The following C3orf49 variants were observed in gnomAD, a reference collection of about 807,000 sequenced individuals.
The protein encoded by C3orf49 is putative uncharacterized protein C3orf49.
C3orf49 carries 27 observed loss-of-function variants against 13.3 expected under a neutral mutation model. The ratio of observed to expected loss-of-function variants is 2.02; its 90% CI spans 1.49 to 2.79. C3orf49 has a LOEUF of 2.79. Ranked by LOEUF, C3orf49 falls within the 30% of genes most tolerant of loss-of-function variation. C3orf49 has a pLI of 0.00. For missense variants in C3orf49, 242 were observed against 134.2 expected (o/e 1.80, Z -3.97); for synonymous variants, 87 against 47.6 (o/e 1.83, Z -3.40).
chr3:63,807,630 T>C, the C3orf49 span, among the ~76,000 whole-genome samples: 5 of 151,716 alleles, frequency 3.3e-5, no homozygotes, highest in Admixed American at 1.3e-4. Flanking sequence ...TCGAGACCAG[T>C]GGATCACCTG....
In C3orf49 at chr3:63,825,321, CA is replaced by C. The variant is rs562183708; in HGVS notation, c.445+1761del. 2.7e-5 allele frequency among the ~76,000 whole-genome samples: 4 copies of C among 149,128 alleles called. No homozygotes were observed. The East Asian group carries it at 5.8e-4, about 22-fold the overall frequency. Reference sequence around the variant, plus strand: ...TGTGCTTTTTCCAGGAAAAAAAAAACAAAAAAAAACCCTGATGGTTTCCAGC... The same window carrying C: ...TGTGCTTTTTCCAGGAAAAAAAAAACAAAAAAAACCCTGATGGTTTCCAGC... On this transcript the variant is annotated intron_variant, in intron 2 of 6. Transcript: ENST00000295896.
At chr3:63,846,316 T>C in intron 6 of C3orf49, 1 of 361,324 alleles carries the variant, frequency 2.8e-6, no homozygotes. Context: ...AAAATGGACT[T>C]CAGGGCCACA....
the C3orf49 span, among the ~76,000 whole-genome samples, chr3:63,808,396 C>G: frequency 1.3e-5 from 2 of 152,136 alleles, no homozygotes; most frequent in Admixed American, 6.5e-5. Flanking sequence ...GGAAATTACT[C>G]AATGCTCGAA....
At position 63,827,585 on chromosome 3, in the gene C3orf49, TCC is replaced by T. The variant is rs781001714; in HGVS notation, c.446-12_446-11del. On this transcript the variant is annotated splice_polypyrimidine_tract_variant and intron_variant, in intron 2 of 6. Coordinates refer to ENST00000295896, the MANE Select transcript of C3orf49 (RefSeq NM_001355236.2). ...ATTGTGATCCTTACAGATTCCTTTT[TCC>T]CCCTTTCTTGAAGCGACTATACAAC... 1,039 of 699,898 alleles carry T rather than the reference TCC, an allele frequency of 1.5e-3. 8 individuals are homozygous for T. The highest frequency in any genetic ancestry group is 2.9e-4 in the Non-Finnish European group (111 of 383,714). The allele number at this position is 699,898 out of a possible 1,614,324, so 43.4% of individuals were successfully genotyped here.
At chr3:63,836,339 T>G in intron 5 of C3orf49, 1 of 1,612,614 alleles carries the variant, frequency 6.2e-7, no homozygotes, top group South Asian at 1.1e-5. Context: ...GCTGAATCAC[T>G]TTTGCCAAAG....
intron 5 of C3orf49, among the ~76,000 whole-genome samples, chr3:63,832,332 T>C (rs1373850712): frequency 6.6e-6 from 1 of 152,142 alleles, no homozygotes; most frequent in Non-Finnish European, 1.5e-5. Flanking sequence ...TTCTACCCAA[T>C]AGTCCTTTAA....
In C3orf49 at chr3:63,823,569, G is replaced by C. The variant is rs1474658673; in HGVS notation, c.445G>C (p.Ala149Pro). 1.4e-6 allele frequency: 1 copy of C among 694,942 alleles called. No individual in the cohort carries two copies. Among genetic ancestry groups the C allele is most frequent in the East Asian group, 2.7e-5 (1 of 37,190 alleles). 43.0% of individuals were successfully genotyped at this position (694,942 alleles called of 1,614,324 possible). The change falls in exon 2 of 7, where the codon GCG becomes CCG. Residue 149 changes from alanine to proline, a missense_variant and splice_region_variant. Physicochemically the swap from Ala to Pro is conservative, Grantham distance 27 (BLOSUM62 -1). Coordinates refer to ENST00000295896, the MANE Select transcript of C3orf49 (RefSeq NM_001355236.2). ...TAKMRKLSEN[A>P]TIQLDVVEAE... The stretch of plus-strand genomic sequence containing the variant: ...AAAAATGAGAAAGCTCTCAGAGAAT[G>C]GTAATCATATTTGGGCAATTTGTCT...
rs547867728 is a variant in C3orf49, at chr3:63,834,088, G to A, written c.849+2244G>A. On this transcript the variant is annotated intron_variant, in intron 5 of 6. Transcript: ENST00000295896. ...CACATTTTAAACACATTATGGTCAT[G>A]TAGCTATTTCAATATTCCTGGGAGT... The A allele has an allele frequency of 5.7e-5, 91 of 1,593,220 alleles. 2 individuals are homozygous for A. In the South Asian group the frequency reaches 9.1e-4, roughly 16 times the overall value.
the C3orf49 span, among the ~76,000 whole-genome samples, chr3:63,807,141 CGGGGTTT>C: frequency 3.9e-5 from 6 of 152,026 alleles, no homozygotes; most frequent in East Asian, 1.2e-3. Context: ...TTAGTAGAGA[CGGGGTTT>C]CACCGTGTTA....
At chr3:63,806,690 T>C in the C3orf49 span, among the ~76,000 whole-genome samples, 2 of 152,138 alleles carry the variant, frequency 1.3e-5, no homozygotes, top group African/African-American at 2.4e-5. Flanking sequence ...TAAACAATTA[T>C]ATATATTTTT....
At chr3:63,835,125 G>A in intron 5 of C3orf49, 2 of 1,606,338 alleles carry the variant, frequency 1.2e-6, no homozygotes, top group South Asian at 2.2e-5. Flanking sequence ...ATCTTCATAA[G>A]CATTTACTTT....
At chr3:63,784,049 A>T in the C3orf49 span, among the ~76,000 whole-genome samples, 5 of 152,298 alleles carry the variant, frequency 3.3e-5, no homozygotes, top group South Asian at 1.0e-3. Flanking sequence ...TGACCCTAGA[A>T]GCTCTGCAGC....
chr3:63,817,793 GCACA>G (rs1413733879), upstream of C3orf49, among the ~76,000 whole-genome samples: 3 of 152,060 alleles, frequency 2.0e-5, no homozygotes, highest in African/African-American at 4.8e-5. Context: ...ATGCAGACAT[GCACA>G]CACAGAGACA....
At chr3:63,820,155 G>A (rs888949485) in intron 1 of C3orf49, among the ~76,000 whole-genome samples, 2 of 152,104 alleles carry the variant, frequency 1.3e-5, no homozygotes, top group Non-Finnish European at 2.9e-5. Flanking sequence ...AGTCAGTGTG[G>A]TGATTTATTT....
At chr3:63,807,857 C>CAAAAA in the C3orf49 span, among the ~76,000 whole-genome samples, 35 of 32,086 alleles carry the variant, frequency 1.1e-3, no homozygotes, top group Non-Finnish European at 1.2e-3. Flanking sequence ...AACTTCATCT[C>CAAAAA]AAAAAAAAAA....
At chr3:63,782,040 G>C in the C3orf49 span, among the ~76,000 whole-genome samples, 1 of 152,128 alleles carries the variant, frequency 6.6e-6, no homozygotes, top group African/African-American at 2.4e-5. Flanking sequence ...TTATCCTTCT[G>C]TAAGAACCAG....
intron 2 of C3orf49, chr3:63,826,840 T>TC (rs962260437): frequency 2.5e-4 from 38 of 152,130 alleles, no homozygotes; most frequent in African/African-American, 8.7e-4. Flanking sequence ...TCCCAGCTGC[T>TC]CGGGAGGCTG....
At chr3:63,789,962 T>C in the C3orf49 span, among the ~76,000 whole-genome samples, 4 of 152,100 alleles carry the variant, frequency 2.6e-5, no homozygotes, top group African/African-American at 9.7e-5. Context: ...GCAATAGGAA[T>C]GGTTTTTTAC....
At position 63,819,375 on chromosome 3, in the gene C3orf49, G is replaced by T; in HGVS notation, c.-97G>T. The T allele has an allele frequency of 1.5e-6, 1 of 649,108 alleles. No homozygotes were observed. The highest frequency in any genetic ancestry group is 1.7e-5 in the South Asian group (1 of 58,350). 40.2% of individuals were successfully genotyped at this position (649,108 alleles called of 1,614,324 possible). On this transcript the variant is annotated 5_prime_UTR_variant, in exon 1 of 7. Coordinates refer to ENST00000295896, the MANE Select transcript of C3orf49 (RefSeq NM_001355236.2). ...TTTTATTCCGAATAGCCCACACCTT[G>T]ACAGTACATTCAGTCACTGGATGAT...
Sources: gnomAD v4.1 joint callset for allele counts (sites outside exome capture counted in the v4.1 genomes callset) on GRCh38, gnomAD v4.1.1 for gene constraint, MANE v1.5 for transcripts, NCBI Gene and HGNC (gene_info 2026-07-23, HGNC 2026-07-21) for gene names.